The following LGR6 variants were observed in gnomAD, a reference collection of about 807,000 sequenced individuals.
The protein encoded by LGR6 is leucine-rich repeat-containing G protein-coupled receptor 6.
Under a neutral mutation model 69.4 loss-of-function variants are expected in LGR6, and 45 were observed. The ratio of observed to expected loss-of-function variants is 0.65; its 90% CI spans 0.51 to 0.83. The LOEUF (loss-of-function observed/expected upper bound fraction) is 0.83. LGR6 is among the 40% of genes least tolerant of loss of function. LGR6 has a pLI of 0.00. For synonymous variants in LGR6, 538 were observed against 555.0 expected, an observed-to-expected ratio of 0.97 and a Z score of 0.43; for missense variants, 1,108 against 1,246.7, an observed-to-expected ratio of 0.89 and a Z score of 1.68.
chr1:202,292,635 A>G (rs2148225702), intron 6 of LGR6, among the ~76,000 whole-genome samples: 1 of 151,298 alleles, frequency 6.6e-6, no homozygotes, highest in African/African-American at 2.4e-5. Context: ...CTTCTGACAC[A>G]CCTACTGTGA....
chr1:202,240,638 A>G (rs2148020256), intron 4 of LGR6, among the ~76,000 whole-genome samples: 1 of 152,194 alleles, frequency 6.6e-6, no homozygotes, highest in Middle Eastern at 3.4e-3. Context: ...GTTATGTTCT[A>G]AGTGTTTGGA....
chr1:202,244,979 TG>T (rs1413948695), intron 4 of LGR6, among the ~76,000 whole-genome samples: 1 of 152,204 alleles, frequency 6.6e-6, no homozygotes, highest in African/African-American at 2.4e-5. Context: ...GCCAGAGGTC[TG>T]GGGTGCTCTC....
intron 1 of LGR6, among the ~76,000 whole-genome samples, chr1:202,207,561 C>T (rs897103507): frequency 6.6e-6 from 1 of 152,140 alleles, no homozygotes; most frequent in Non-Finnish European, 1.5e-5. Flanking sequence ...GAGGGCCCAT[C>T]CCACAGATGT....
At chr1:202,229,839 T>A (rs1208743203) in intron 3 of LGR6, among the ~76,000 whole-genome samples, 1 of 152,196 alleles carries the variant, frequency 6.6e-6, no homozygotes, top group African/African-American at 2.4e-5. Flanking sequence ...AGAACTTCTC[T>A]ACCTTAGGGA....
intron 6 of LGR6, among the ~76,000 whole-genome samples, chr1:202,294,335 G>C (rs1267573742): frequency 1.3e-5 from 2 of 152,216 alleles, no homozygotes; most frequent in Admixed American, 6.5e-5. Flanking sequence ...AACGGAAGCT[G>C]TCTCATTCTA....
chr1:202,308,438 A>AGTCT (rs1244399994), intron 14 of LGR6, among the ~76,000 whole-genome samples: 4 of 152,186 alleles, frequency 2.6e-5, no homozygotes, highest in Non-Finnish European at 5.9e-5. Flanking sequence ...CACGACGCAC[A>AGTCT]GTCTGTGGTC....
At position 202,276,033 on chromosome 1, in the gene LGR6, G is replaced by T. The variant is rs553481881; in HGVS notation, c.429-273G>T. On this transcript the variant is annotated intron_variant, in intron 4 of 17. Coordinates refer to ENST00000367278, the MANE Select transcript of LGR6 (RefSeq NM_001017403.2). ...TGTGGGTTGGTGGGAGGTGGAGGTT[G>T]CAGTGAGCCAAGATTGTGCCACTGC... Among the ~76,000 whole-genome samples, 102 of 152,318 alleles carry T rather than the reference G, an allele frequency of 6.7e-4. 3 individuals are homozygous for T. The South Asian group carries it at 0.02, about 30-fold the overall frequency.
chr1:202,213,089 C>T (rs1002696388), intron 1 of LGR6, among the ~76,000 whole-genome samples: 2 of 152,212 alleles, frequency 1.3e-5, no homozygotes, highest in Non-Finnish European at 2.9e-5. Context: ...TTCACAGGGG[C>T]ACACACACTT....
intron 6 of LGR6, among the ~76,000 whole-genome samples, chr1:202,285,204 G>T (rs1238867075): frequency 3.3e-5 from 5 of 152,216 alleles, no homozygotes; most frequent in African/African-American, 1.2e-4. Context: ...GCTAGAAAAT[G>T]TTCCTCTCTG....
At chr1:202,280,721 C>T in intron 5 of LGR6, 60 bp from the exon 6 acceptor site, 4 of 1,461,114 alleles carry the variant, frequency 2.7e-6, no homozygotes, top group Non-Finnish European at 3.8e-6. Flanking sequence ...ATGTGCTCTT[C>T]CATCCCCTGG....
At chr1:202,236,029 CT>C (rs773472915) in intron 4 of LGR6, 36 bp downstream of exon 4, 2 of 1,578,706 alleles carry the variant, frequency 1.3e-6, no homozygotes, top group Admixed American at 3.3e-5. Context: ...GAGTCACCAG[CT>C]TCCTGGGGCC....
chr1:202,284,355 G>A (rs949347388), intron 6 of LGR6, among the ~76,000 whole-genome samples: 1 of 152,168 alleles, frequency 6.6e-6, no homozygotes, highest in African/African-American at 2.4e-5. Flanking sequence ...AGAATCAGAG[G>A]TGGTCTAGTC....
chr1:202,317,350 G>GT (rs1429576685), intron 17 of LGR6, among the ~76,000 whole-genome samples: 26 of 131,546 alleles, frequency 2.0e-4, no homozygotes, highest in Admixed American at 1.7e-3. Flanking sequence ...TTTTTTTTTT[G>GT]TTTTTTTGGG....
chr1:202,286,184 A>G (rs1666380590), intron 6 of LGR6, among the ~76,000 whole-genome samples: 1 of 152,144 alleles, frequency 6.6e-6, no homozygotes, highest in Non-Finnish European at 1.5e-5. Context: ...AGGTTTGGAC[A>G]TATCTTTTGG....
intron 1 of LGR6, among the ~76,000 whole-genome samples, chr1:202,202,725 G>A (rs1031810043): frequency 5.9e-5 from 9 of 152,204 alleles, no homozygotes; most frequent in Admixed American, 4.6e-4. Flanking sequence ...AGGCAGGCCT[G>A]CAGTGGCCCT....
At chr1:202,282,936 G>C (rs989344986) in intron 6 of LGR6, among the ~76,000 whole-genome samples, 69 of 152,234 alleles carry the variant, frequency 4.5e-4, no homozygotes, top group Non-Finnish European at 6.8e-4. Flanking sequence ...AAGGCTAGGA[G>C]CCTGGTGGCA....
chr1:202,204,678 AACACACACACACCCCCAAAC>A (rs1558003955), intron 1 of LGR6, among the ~76,000 whole-genome samples: 5 of 15,540 alleles, frequency 3.2e-4, no homozygotes, highest in Non-Finnish European at 5.5e-4. Flanking sequence ...CACGCCTCCA[AACACACACACACCCCCAAAC>A]ACACACACAC....
intron 6 of LGR6, among the ~76,000 whole-genome samples, chr1:202,282,094 A>C (rs896056182): frequency 6.6e-6 from 1 of 152,184 alleles, no homozygotes; most frequent in Non-Finnish European, 1.5e-5. Flanking sequence ...GAGCCAGCCC[A>C]GCTTTGCCGG....
intron 17 of LGR6, among the ~76,000 whole-genome samples, chr1:202,315,144 A>T (rs959093009): frequency 6.6e-6 from 1 of 152,172 alleles, no homozygotes; most frequent in African/African-American, 2.4e-5. Flanking sequence ...CCAGGATAAA[A>T]CTACTGTTAC....
Sources: gnomAD v4.1 joint callset for allele counts (sites outside exome capture counted in the v4.1 genomes callset) on GRCh38, gnomAD v4.1.1 for gene constraint, MANE v1.5 for transcripts, NCBI Gene and HGNC (gene_info 2026-07-23, HGNC 2026-07-21) for gene names.